The following GNAS variants were observed in gnomAD, a reference collection of about 807,000 sequenced individuals.
The protein encoded by GNAS is GNAS complex locus.
Under a neutral mutation model 54.5 loss-of-function variants are expected in GNAS, and 8 were observed. The ratio of observed to expected loss-of-function variants is 0.15; its 90% CI spans 0.09 to 0.26. GNAS has a LOEUF of 0.26. Ranked by LOEUF, GNAS falls within the 10% of genes least tolerant of loss-of-function variation. The pLI is 1.00. For synonymous variants in GNAS, 204 were observed against 191.4 expected, an observed-to-expected ratio of 1.07 and a Z score of -0.54; for missense variants, 170 against 529.8, an observed-to-expected ratio of 0.32 and a Z score of 6.67.
intron 1 of GNAS, chr20:58,855,651 C>CAGGAACTGCCGGGGAGGGGCCCCG (rs1212292598): frequency 1.4e-6 from 1 of 710,960 alleles, no homozygotes; most frequent in Non-Finnish European, 2.6e-6. Context: ...TCAGGTGAGC[C>CAGGAACTGCCGGGGAGGGGCCCCG]AGGAACTGCC....
intron 1 of GNAS, among the ~76,000 whole-genome samples, chr20:58,860,297 CT>C (rs559476652): frequency 5.3e-3 from 734 of 137,408 alleles, no homozygotes; most frequent in Middle Eastern, 7.4e-3. Flanking sequence ...TACTGTTTTC[CT>C]TTTTTTTTTT....
chr20:58,890,269 C>T (rs2089036470), upstream of GNAS, among the ~76,000 whole-genome samples: 1 of 150,756 alleles, frequency 6.6e-6, no homozygotes, highest in Admixed American at 6.6e-5. Context: ...GCCGCCGCGG[C>T]CGCCGCCGAC....
rs970691355 is a variant in GNAS, at chr20:58,910,948, C to T, written c.*119C>T. On this transcript the variant is annotated 3_prime_UTR_variant, in exon 13 of 13. Coordinates refer to ENST00000371085, the MANE Select transcript of GNAS (RefSeq NM_000516.7). This position sits in a 1 kb window ranked among gnomAD's most constrained non-coding sequence, Gnocchi z 5.8. ...TGATTAACAAAGCAACCTTTCCCTT[C>T]CCCCGAGTGATTTTGCGAAACCCCC... is the stretch of plus-strand genomic sequence containing the variant. 2.0e-5 allele frequency: 20 copies of T among 1,022,588 alleles called. No homozygotes were observed. Among genetic ancestry groups the T allele is most frequent in the Non-Finnish European group, 3.0e-5 (20 of 668,474 alleles). 63.3% of individuals were successfully genotyped at this position (1,022,588 alleles called of 1,614,324 possible). A position where few individuals can be genotyped will look rare whatever the true frequency, so the allele number is the denominator to read the frequency against.
chr20:58,853,851 G>A lies in GNAS; in HGVS notation c.43+12965G>A, dbSNP rs986960534. 3.1e-6 allele frequency: 5 copies of A among 1,594,808 alleles called. No homozygotes were observed. The highest frequency in any genetic ancestry group is 1.7e-4 in the Middle Eastern group (1 of 6,040). On this transcript the variant is annotated intron_variant, in intron 1 of 12. Coordinates refer to the GNAS transcript ENST00000306090. The surrounding 1 kb of genome is among the most constrained non-coding windows in gnomAD (Gnocchi z 4.4). ...AGGCCCAGGTGCTGCAGGGGTCCCC[G>A]GAGCTCCTCCCGAGGAGCCCCAAGC...
At chr20:58,864,817 G>A (rs2086952006) in intron 1 of GNAS, among the ~76,000 whole-genome samples, 1 of 151,950 alleles carries the variant, frequency 6.6e-6, no homozygotes, top group Non-Finnish European at 1.5e-5. Context: ...CATTTTGGGG[G>A]GCTCAGTCTA....
rs535027204 is a variant in GNAS, at chr20:58,877,807, G to C, written c.44-17805G>C. ...CTGATTGGAGGCATGGGGTCCACAG[G>C]AGGCACCTATTGTGTTGCCACAATG... On this transcript the variant is annotated intron_variant, in intron 1 of 12. Coordinates refer to the GNAS transcript ENST00000306090. Among the ~76,000 whole-genome samples the C allele has an allele frequency of 5.3e-5, 8 of 152,312 alleles. No individual in the cohort carries two copies. In the South Asian group the frequency reaches 1.7e-3, roughly 32 times the overall value.
At chr20:58,899,921 C>G (rs1203612710) in intron 3 of GNAS, 1 of 717,786 alleles carries the variant, frequency 1.4e-6, no homozygotes, top group South Asian at 1.5e-5. Context: ...AAGTAACTGA[C>G]ACATGTTTGT....
At chr20:58,855,842 G>T in intron 1 of GNAS, 1 of 587,874 alleles carries the variant, frequency 1.7e-6, no homozygotes, top group South Asian at 2.1e-5. Context: ...ATACGCTGAA[G>T]TGTCCCCTGT....
chr20:58,858,018 G>A (rs559722897), intron 1 of GNAS, among the ~76,000 whole-genome samples: 20 of 152,172 alleles, frequency 1.3e-4, no homozygotes, highest in Non-Finnish European at 2.8e-4. Context: ...CTGTACCACT[G>A]CAGTTTGTCA....
At chr20:58,900,078 A>AGGGGGGG in intron 3 of GNAS, 1 of 356,472 alleles carries the variant, frequency 2.8e-6, no homozygotes, top group Non-Finnish European at 5.5e-6. Flanking sequence ...CTGAGGGGGG[A>AGGGGGGG]GGGGGGATGG....
chr20:58,852,855 G>A, intron 1 of GNAS: 1 of 293,148 alleles, frequency 3.4e-6, no homozygotes, highest in East Asian at 6.1e-5. Flanking sequence ...GCTCGGCACT[G>A]GAACCGGCGT....
In GNAS at chr20:58,864,807, C is replaced by T. The variant is rs149488875; in HGVS notation, c.43+23921C>T. On this transcript the variant is annotated intron_variant, in intron 1 of 12. Coordinates refer to the GNAS transcript ENST00000306090. ...TAGCTATATGCCAGGATTTTAGAAG[C>T]ATTTTGGGGGGCTCAGTCTAACAGA... is the stretch of plus-strand genomic sequence containing the variant. Among the ~76,000 whole-genome samples the T allele has an allele frequency of 7.5e-3, 1,139 of 152,194 alleles. 5 individuals carry two copies. Among genetic ancestry groups the T allele is most frequent in the South Asian group, 0.013 (63 of 4,808 alleles).
At chr20:58,892,639 GACTGT>G (rs1489526172) in intron 1 of GNAS, 2 of 152,186 alleles carry the variant, frequency 1.3e-5, no homozygotes, top group Admixed American at 1.3e-4. Flanking sequence ...AGGACCGACT[GACTGT>G]GTGTGCGCGG....
At chr20:58,892,024 C>T (rs1296864153) in intron 1 of GNAS, 159 bp downstream of exon 1, 3 of 834,826 alleles carry the variant, frequency 3.6e-6, no homozygotes, top group Non-Finnish European at 4.3e-6. Context: ...GGAAGGGGGA[C>T]CCAGGGGCGC....
chr20:58,908,970 C>G, intron 6 of GNAS, 192 bp from the exon 7 acceptor site: 1 of 740,296 alleles, frequency 1.4e-6, no homozygotes, highest in Admixed American at 1.7e-5. Context: ...ATCCTGTTTG[C>G]CCTAACCTTC....
At chr20:58,892,783 C>T (rs1175263552) in intron 1 of GNAS, among the ~76,000 whole-genome samples, 1 of 152,028 alleles carries the variant, frequency 6.6e-6, no homozygotes, top group African/African-American at 2.4e-5. Flanking sequence ...AGCCAAATGA[C>T]ACGTCATTTT....
intron 1 of GNAS, among the ~76,000 whole-genome samples, chr20:58,879,410 G>A (rs1600861263): frequency 6.6e-6 from 1 of 152,216 alleles, no homozygotes. Flanking sequence ...ACTATTCATT[G>A]CCTGCAGATG....
Position 58,863,847 on chromosome 20 carries a change from T to C in GNAS, c.43+22961T>C, listed in dbSNP as rs1354675590. 1 of 152,674 alleles carries C rather than the reference T, an allele frequency of 6.5e-6. No homozygotes were observed. The highest frequency in any genetic ancestry group is 1.9e-4 in the East Asian group (1 of 5,200). The allele number at this position is 152,674 out of a possible 1,614,324, so 9.5% of individuals were successfully genotyped here. A position where few individuals can be genotyped will look rare whatever the true frequency, so the allele number is the denominator to read the frequency against. ...TGTGCAAATTACATGATGGTATTTT[T>C]ACAGGGAACCTGCATTCAGGTAAGT... is the stretch of plus-strand genomic sequence containing the variant. On this transcript the variant is annotated intron_variant, in intron 1 of 12. Coordinates refer to the GNAS transcript ENST00000306090. The surrounding 1 kb of genome is among the most constrained non-coding windows in gnomAD (Gnocchi z 4.1).
Position 58,841,264 on chromosome 20 carries a change from C to A in GNAS, c.43+378C>A. The A allele has an allele frequency of 5.0e-6, 5 of 996,890 alleles. No individual in the cohort carries two copies. Among genetic ancestry groups the A allele is most frequent in the Non-Finnish European group, 6.2e-6 (5 of 805,562 alleles). The allele number at this position is 996,890 out of a possible 1,614,324, so 61.8% of individuals were successfully genotyped here. On this transcript the variant is annotated intron_variant, in intron 1 of 12. Coordinates refer to the GNAS transcript ENST00000306090. The surrounding 1 kb of genome is among the most constrained non-coding windows in gnomAD (Gnocchi z 5.0). The stretch of plus-strand genomic sequence containing the variant: ...CGCGCTTTTCTTCCTCCTAGAAAGA[C>A]TAGTCTCAAATAAGTTGGCCTTCTC...
Sources: gnomAD v4.1 joint callset for allele counts (sites outside exome capture counted in the v4.1 genomes callset) on GRCh38, gnomAD v4.1.1 for gene constraint, Gnocchi (gnomAD v3.1) non-coding constraint, MANE v1.5 for transcripts, NCBI Gene and HGNC (gene_info 2026-07-23, HGNC 2026-07-21) for gene names.